DGCR2: variants seen among roughly 807,000 people sequenced by gnomAD.
DGCR2 encodes DiGeorge syndrome critical region gene 2.
Under a neutral mutation model 51.6 loss-of-function variants are expected in DGCR2, and 24 were observed. The observed-to-expected ratio is 0.47, with a 90% CI of 0.34 to 0.65. The LOEUF is 0.65. Ranked by LOEUF, DGCR2 falls within the 30% of genes least tolerant of loss-of-function variation. The probability of loss-of-function intolerance (pLI) is 0.01; values close to 1 mark genes in which losing one functional copy is unlikely to be tolerated. For synonymous variants in DGCR2, 340 were observed against 315.4 expected (o/e 1.08, Z -0.82); for missense variants, 765 against 772.1 (o/e 0.99, Z 0.11).
chr22:19,101,541 GACCACCCTGGCCAACACGGTGAA>G (rs1185030698), intron 1 of DGCR2, among the ~76,000 whole-genome samples: 1 of 151,772 alleles, frequency 6.6e-6, no homozygotes, highest in Non-Finnish European at 1.5e-5. Context: ...AAGAGTTCAA[GACCACCCTGGCCAACACGGTGAA>G]ACCCCGTCTC....
chr22:19,117,301 C>T (rs768723495), intron 1 of DGCR2, among the ~76,000 whole-genome samples: 5 of 152,258 alleles, frequency 3.3e-5, no homozygotes, highest in Non-Finnish European at 7.3e-5. Context: ...CAGCACAAAT[C>T]TTCCACAACA....
chr22:19,106,716 C>A (rs938768627), intron 1 of DGCR2, among the ~76,000 whole-genome samples: 1 of 152,274 alleles, frequency 6.6e-6, no homozygotes, highest in Admixed American at 6.5e-5. Context: ...GAGGGGCTGA[C>A]CCGCCTACTC....
chr22:19,041,459 T>C (rs1569034898), intron 8 of DGCR2, 165 bp from the exon 9 acceptor site: 4 of 674,650 alleles, frequency 5.9e-6, no homozygotes, highest in African/African-American at 3.6e-5. Context: ...ATGAGACCCC[T>C]GGTGTGCTCC....
chr22:19,117,315 G>A (rs1172798617), intron 1 of DGCR2, among the ~76,000 whole-genome samples: 1 of 152,266 alleles, frequency 6.6e-6, no homozygotes, highest in Non-Finnish European at 1.5e-5. Flanking sequence ...CACAACAGCA[G>A]TCTTCATTCC....
chr22:19,061,237 G>A (rs1025254315), intron 5 of DGCR2: 4 of 169,284 alleles, frequency 2.4e-5, no homozygotes, highest in African/African-American at 9.6e-5. Flanking sequence ...GGCTGGGCTA[G>A]ACGTGCTCTT....
chr22:19,100,264 G>A (rs186122296), intron 1 of DGCR2, among the ~76,000 whole-genome samples: 37 of 152,044 alleles, frequency 2.4e-4, no homozygotes, highest in African/African-American at 8.0e-4. Context: ...ACAAGACTCT[G>A]TCTCAAAAAA....
At chr22:19,043,712 C>A (rs932789679) in intron 7 of DGCR2, among the ~76,000 whole-genome samples, 2 of 152,120 alleles carry the variant, frequency 1.3e-5, no homozygotes, top group African/African-American at 2.4e-5. Flanking sequence ...ACCCCTACTG[C>A]CTGCCCCAAG....
intron 4 of DGCR2, among the ~76,000 whole-genome samples, chr22:19,064,614 C>T (rs1418360522): frequency 2.0e-5 from 3 of 152,220 alleles, no homozygotes; most frequent in Admixed American, 1.3e-4. Context: ...GGCTGCCCCA[C>T]AGTCCCACAA....
At chr22:19,091,636 G>C (rs1282188095) in intron 1 of DGCR2, among the ~76,000 whole-genome samples, 1 of 152,172 alleles carries the variant, frequency 6.6e-6, no homozygotes, top group African/African-American at 2.4e-5. Flanking sequence ...CAAGGGCTGG[G>C]CGTGGTGGCT....
At chr22:19,073,394 G>C (rs2082838462) in intron 2 of DGCR2, among the ~76,000 whole-genome samples, 1 of 152,120 alleles carries the variant, frequency 6.6e-6, no homozygotes. Flanking sequence ...CGAAAACTGG[G>C]AATCAATCCA....
intron 2 of DGCR2, among the ~76,000 whole-genome samples, chr22:19,087,403 T>C (rs1165307105): frequency 6.6e-6 from 1 of 152,228 alleles, no homozygotes; most frequent in Admixed American, 6.5e-5. Flanking sequence ...CTTTTCTTTT[T>C]TTTTGAAACA....
intron 1 of DGCR2, among the ~76,000 whole-genome samples, chr22:19,096,684 A>G (rs1278317277): frequency 2.0e-5 from 3 of 152,114 alleles, no homozygotes; most frequent in Non-Finnish European, 4.4e-5. Flanking sequence ...GAGTTCATTC[A>G]CTGAATAGAG....
rs368202968 is a variant in DGCR2, at chr22:19,086,242, C to G, written c.202+3126G>C. ...CCTGTAATCCCAGCACTTTGGGAGG[C>G]CGAGGAGAGCGGATCACAAGGTCAG... On this transcript the variant is annotated intron_variant, in intron 2 of 9. Transcript: ENST00000263196. Among the ~76,000 whole-genome samples the G allele has an allele frequency of 3.2e-3, 486 of 152,140 alleles. 1 individual carries two copies. The highest frequency in any genetic ancestry group is 0.011 in the African/African-American group (456 of 41,488).
chr22:19,078,893 G>A (rs574797415), intron 2 of DGCR2, among the ~76,000 whole-genome samples: 3 of 152,304 alleles, frequency 2.0e-5, no homozygotes, highest in South Asian at 2.1e-4. Context: ...ACTTGAGAAG[G>A]ACTGATGTTA....
rs1360108283 is a variant in DGCR2 at position 19,060,796 on chromosome 22, T to G, written c.625+2406A>C. The G allele has an allele frequency of 8.5e-6, 4 of 472,314 alleles. No homozygotes were observed. The East Asian group carries it at 1.7e-4, about 20-fold the overall frequency. The allele number at this position is 472,314 out of a possible 1,614,324, so 29.3% of individuals were successfully genotyped here. On this transcript the variant is annotated intron_variant, in intron 5 of 9. Coordinates refer to ENST00000263196, the MANE Select transcript of DGCR2 (RefSeq NM_005137.3). ...CAGGGTCTTGGCCCCCAGGCGGGGC[T>G]CACAGGCTGGTGTGGGCCTGGGGGA...
Position 19,041,052 on chromosome 22 carries a change from A to G in DGCR2, c.1396+6T>C, listed in dbSNP as rs1030457983. On this transcript the variant is annotated splice_donor_region_variant and intron_variant, in intron 9 of 9. Coordinates refer to ENST00000263196, the MANE Select transcript of DGCR2 (RefSeq NM_005137.3). ...AGGTGTTCCCTCTCCCTGGGGAGTC[A>G]GGCACCTGCAGGGTCATAGAACACA... 2.5e-6 allele frequency: 4 copies of G among 1,575,322 alleles called. No homozygotes were observed. Among genetic ancestry groups the G allele is most frequent in the South Asian group, 2.3e-5 (2 of 85,922 alleles).
intron 1 of DGCR2, among the ~76,000 whole-genome samples, chr22:19,094,902 GACA>G (rs1254035445): frequency 1.3e-5 from 2 of 152,092 alleles, no homozygotes; most frequent in Non-Finnish European, 2.9e-5. Flanking sequence ...CCTACTGTAT[GACA>G]ACATTTATAT....
intron 5 of DGCR2, among the ~76,000 whole-genome samples, chr22:19,062,624 AGCTCGCCAGT>A (rs1223738773): frequency 1.3e-5 from 2 of 152,052 alleles, no homozygotes; most frequent in Non-Finnish European, 2.9e-5. Flanking sequence ...GTCCAGGAGG[AGCTCGCCAGT>A]GCCAGGGCAA....
chr22:19,061,091 C>T, intron 5 of DGCR2: 1 of 225,740 alleles, frequency 4.4e-6, no homozygotes, highest in Middle Eastern at 7.4e-4. Flanking sequence ...GGGAAGGGTT[C>T]AGAATGAGTA....
Sources: gnomAD v4.1 joint callset for allele counts (sites outside exome capture counted in the v4.1 genomes callset) on GRCh38, gnomAD v4.1.1 for gene constraint, MANE v1.5 for transcripts, NCBI Gene and HGNC (gene_info 2026-07-23, HGNC 2026-07-21) for gene names.